CELSR1: variants seen among roughly 807,000 people sequenced by gnomAD.
The protein encoded by CELSR1 is adhesion G protein-coupled receptor C1.
CELSR1 carries 110 observed loss-of-function variants against 249.1 expected under a neutral mutation model. That is an observed-to-expected ratio of 0.44 (90% CI 0.38 to 0.52). The LOEUF (loss-of-function observed/expected upper bound fraction) is 0.52. Ranked by LOEUF, CELSR1 falls within the 20% of genes least tolerant of loss-of-function variation. The pLI is 0.00. For synonymous variants in CELSR1, 2,113 were observed against 1,900.0 expected (o/e 1.11, Z -2.92); for missense variants, 4,109 against 4,296.4 (o/e 0.96, Z 1.22).
At chr22:46,389,714 A>G (rs2079068911) in intron 17 of CELSR1, among the ~76,000 whole-genome samples, 2 of 152,204 alleles carry the variant, frequency 1.3e-5, no homozygotes, top group Admixed American at 1.3e-4. Flanking sequence ...TCAGGAATTC[A>G]AGACCAGCCT....
intron 2 of CELSR1, among the ~76,000 whole-genome samples, chr22:46,458,960 T>C (rs1486884684): frequency 2.6e-5 from 4 of 152,160 alleles, no homozygotes; most frequent in African/African-American, 9.7e-5. Flanking sequence ...TGGCATGATC[T>C]CGGGTCACTG....
rs140667892 is a variant in CELSR1 at position 46,423,607 on chromosome 22, GAAA to G, written c.4611+9783_4611+9785del. On this transcript the variant is annotated intron_variant, in intron 5 of 34. Coordinates refer to ENST00000674500, the MANE Select transcript of CELSR1 (RefSeq NM_001378328.1). This position sits in a 1 kb window ranked among gnomAD's most constrained non-coding sequence, Gnocchi z 5.6. ...GCAACAGGAGCGAAACTTCGTCTCA[GAAA>G]AAAAAAAAAAAAAAGACTCCATGCT... is the stretch of plus-strand genomic sequence containing the variant. Among the ~76,000 whole-genome samples the G allele has an allele frequency of 7.5e-5, 8 of 106,948 alleles. No individual in the cohort carries two copies. Among genetic ancestry groups the G allele is most frequent in the Non-Finnish European group, 1.2e-4 (6 of 50,650 alleles). The allele number at this position is 106,948 out of a possible 152,430, so 70.2% of individuals were successfully genotyped here.
intron 1 of CELSR1, among the ~76,000 whole-genome samples, chr22:46,482,909 T>G (rs1055416883): frequency 5.3e-5 from 8 of 152,168 alleles, no homozygotes; most frequent in Non-Finnish European, 8.8e-5. Flanking sequence ...ACCAACAGAC[T>G]GATGGACAGA....
At chr22:46,463,565 T>A (rs1462508483) in intron 2 of CELSR1, 142 bp downstream of exon 2, 1 of 772,508 alleles carries the variant, frequency 1.3e-6, no homozygotes, top group Non-Finnish European at 1.9e-6. Context: ...CATCTCAAGG[T>A]TCGTGGAGCC....
intron 2 of CELSR1, among the ~76,000 whole-genome samples, chr22:46,457,767 G>C (rs1004684283): frequency 1.3e-5 from 2 of 152,214 alleles, no homozygotes; most frequent in Non-Finnish European, 2.9e-5. Context: ...GGGCAGGACA[G>C]AGTCAGACAT....
chr22:46,403,184 A>C (rs766313307), intron 9 of CELSR1, among the ~76,000 whole-genome samples: 1 of 152,194 alleles, frequency 6.6e-6, no homozygotes, highest in Non-Finnish European at 1.5e-5. Flanking sequence ...GTAATAGATA[A>C]ATCTACAGTC....
chr22:46,533,909 G>C lies in CELSR1; in HGVS notation c.3262C>G (p.His1088Asp). Residue 1088 changes from histidine (H) to aspartate (D), a missense_variant, in exon 1 of 35, where the codon CAC becomes GAC. Physicochemically the swap from His to Asp is moderately conservative, Grantham distance 81. This residue lies in a region of CELSR1 where 886 missense variants were observed against 896.5 expected (regional missense o/e 0.99). Transcript: ENST00000674500. ...SAPLVSRATV[H>D]ILLVDQNDNP... ...TCATTCTGGTCCACGAGAAGGATGT[G>C]CACCGTGGCTCGGCTCACCAGCGGA... is the stretch of plus-strand genomic sequence containing the variant. 1 of 1,613,306 alleles carries C rather than the reference G, an allele frequency of 6.2e-7. No individual in the cohort carries two copies. The highest frequency in any genetic ancestry group is 1.1e-5 in the South Asian group (1 of 91,086).
At position 46,528,087 on chromosome 22, in the gene CELSR1, A is replaced by T. The variant is rs561546120; in HGVS notation, c.3544+5540T>A. 3.8e-5 allele frequency among the ~76,000 whole-genome samples: 4 copies of T among 104,378 alleles called. No individual in the cohort carries two copies. In the East Asian group the frequency reaches 9.3e-4, roughly 24 times the overall value. 68.5% of individuals were successfully genotyped at this position (104,378 alleles called of 152,430 possible). A position where few individuals can be genotyped will look rare whatever the true frequency, so the allele number is the denominator to read the frequency against. On this transcript the variant is annotated intron_variant, in intron 1 of 34. Transcript: ENST00000674500. The stretch of plus-strand genomic sequence containing the variant: ...CATTGCACTCCAGCCTGGGAGACAG[A>T]GCAAGACTGTCTCAAAAAAAAAAAA...
At chr22:46,418,842 G>A (rs62227003) in intron 5 of CELSR1, among the ~76,000 whole-genome samples, 5,691 of 152,296 alleles carry the variant, frequency 0.037, 124 homozygotes, top group African/African-American at 0.06. Flanking sequence ...GGTCTAACCC[G>A]TTTCCCCGAT....
In CELSR1 at chr22:46,517,448, C is replaced by G. The variant is rs1334691437; in HGVS notation, c.3544+16179G>C. 6.6e-6 allele frequency among the ~76,000 whole-genome samples: 1 copy of G among 152,232 alleles called. No homozygotes were observed. The highest frequency in any genetic ancestry group is 2.4e-5 in the African/African-American group (1 of 41,468). ...GACTCCATCTGGCACTTGTCATCTT[C>G]CACGGGGCACAAGGCGGTATCTGGA... On this transcript the variant is annotated intron_variant, in intron 1 of 34. Coordinates refer to ENST00000674500, the MANE Select transcript of CELSR1 (RefSeq NM_001378328.1). This position sits in a 1 kb window ranked among gnomAD's most constrained non-coding sequence, Gnocchi z 5.4.
chr22:46,536,669 C>T lies in CELSR1; in HGVS notation c.502G>A (p.Gly168Ser). Residue 168 changes from glycine (G) to serine (S), a missense_variant, in exon 1 of 35, where the codon GGC (glycine) becomes AGC (serine). Physicochemically the swap from Gly to Ser is moderately conservative, Grantham distance 56. Coordinates refer to ENST00000674500, the MANE Select transcript of CELSR1 (RefSeq NM_001378328.1). ...CPPRPRPRCP[G>S]RPICLPPGGS... ...CCCGGCGGCAGGCAGATGGGACGGC[C>T]GGGACAGCGGGGCCTGGGGCGCGGC... 8.6e-7 allele frequency: 1 copy of T among 1,159,904 alleles called. No individual in the cohort carries two copies. The highest frequency in any genetic ancestry group is 1.1e-6 in the Non-Finnish European group (1 of 943,920). 71.9% of individuals were successfully genotyped at this position (1,159,904 alleles called of 1,614,324 possible).
At position 46,423,532 on chromosome 22, in the gene CELSR1, G is replaced by A. The variant is rs551203300; in HGVS notation, c.4611+9861C>T. 3.3e-5 allele frequency among the ~76,000 whole-genome samples: 5 copies of A among 151,152 alleles called. No individual in the cohort carries two copies. On this transcript the variant is annotated intron_variant, in intron 5 of 34. Coordinates refer to ENST00000674500, the MANE Select transcript of CELSR1 (RefSeq NM_001378328.1). This position sits in a 1 kb window ranked among gnomAD's most constrained non-coding sequence, Gnocchi z 5.6. ...AGGCAGGAGAATTGCTTGAACCTGGGAGGCAGAGGTTGCGGTGAGCCGAGA... is the reference window on the plus strand; with the variant it reads ...AGGCAGGAGAATTGCTTGAACCTGGAAGGCAGAGGTTGCGGTGAGCCGAGA...
chr22:46,513,623 AG>A (rs1351673232), intron 1 of CELSR1, among the ~76,000 whole-genome samples: 2 of 152,158 alleles, frequency 1.3e-5, no homozygotes, highest in African/African-American at 4.8e-5. Context: ...CACCAGGGAT[AG>A]GAGTCCCAGC....
intron 33 of CELSR1, 83 bp downstream of exon 33, chr22:46,364,429 C>T: frequency 1.3e-6 from 2 of 1,520,076 alleles, no homozygotes; most frequent in African/African-American, 2.8e-5. Flanking sequence ...CCACCAGCCC[C>T]AGCCCCACTC....
chr22:46,400,381 T>C (rs2079198307), intron 9 of CELSR1, among the ~76,000 whole-genome samples: 1 of 151,476 alleles, frequency 6.6e-6, no homozygotes. Flanking sequence ...CTCAGGCCTT[T>C]AATCCCAGCA....
intron 25 of CELSR1, among the ~76,000 whole-genome samples, chr22:46,371,977 ACTC>A (rs111202302): frequency 4.1e-5 from 5 of 121,692 alleles, no homozygotes; most frequent in African/African-American, 1.6e-4. Context: ...CACTCAACTC[ACTC>A]CTCCATCCAT....
chr22:46,378,488 G>C, intron 23 of CELSR1, 103 bp downstream of exon 23: 1 of 1,340,694 alleles, frequency 7.5e-7, no homozygotes, highest in Non-Finnish European at 1.0e-6. Flanking sequence ...AGGCTCAGCA[G>C]GTTTGAGGAC....
chr22:46,372,578 G>A (rs765828345), intron 25 of CELSR1, among the ~76,000 whole-genome samples: 12 of 146,350 alleles, frequency 8.2e-5, no homozygotes, highest in Non-Finnish European at 1.6e-4. Context: ...GCACTCACTC[G>A]CTCTTCCCTC....
At chr22:46,529,513 A>G (rs928332353) in intron 1 of CELSR1, among the ~76,000 whole-genome samples, 1 of 152,048 alleles carries the variant, frequency 6.6e-6, no homozygotes, top group Non-Finnish European at 1.5e-5. Flanking sequence ...AGCTAAAAAA[A>G]TGAATAAGGC....
Sources: gnomAD v4.1 joint callset for allele counts (sites outside exome capture counted in the v4.1 genomes callset) on GRCh38, gnomAD v4.1.1 for gene constraint, gnomAD v4.1.1 regional missense constraint, Gnocchi (gnomAD v3.1) non-coding constraint, MANE v1.5 for transcripts, NCBI Gene and HGNC (gene_info 2026-07-23, HGNC 2026-07-21) for gene names.